Variants in CCDC40 observed in about 807,000 individuals in gnomAD.
The protein encoded by CCDC40 is coiled-coil domain 40 molecular ruler complex subunit.
CCDC40 carries 104 observed loss-of-function variants against 124.5 expected under a neutral mutation model. The observed-to-expected ratio is 0.84, with a 90% CI of 0.71 to 0.98. The LOEUF (loss-of-function observed/expected upper bound fraction) is 0.98, where lower values mean the gene tolerates loss of function less well. Among genes scored for constraint, CCDC40 ranks in the 50% least tolerant of loss-of-function variants. The probability of loss-of-function intolerance (pLI) is 0.00; values close to 1 mark genes in which losing one functional copy is unlikely to be tolerated. For synonymous variants in CCDC40, 580 were observed against 602.9 expected, an observed-to-expected ratio of 0.96 and a Z score of 0.56; for missense variants, 1,463 against 1,503.9, an observed-to-expected ratio of 0.97 and a Z score of 0.45.
Position 80,050,173 on chromosome 17 carries a change from A to T in CCDC40, c.1049A>T (p.Asp350Val). 1 of 1,613,344 alleles carries T rather than the reference A, an allele frequency of 6.2e-7. No homozygotes were observed. Among genetic ancestry groups the T allele is most frequent in the South Asian group, 1.1e-5 (1 of 91,064 alleles). ...CAGAAGCTGCTGGAGAAGAGTCACGACCGCCACGCAATGGCCTCGAGCGAG... is the reference window on the plus strand; with the variant it reads ...CAGAAGCTGCTGGAGAAGAGTCACGTCCGCCACGCAATGGCCTCGAGCGAG... ...HLQKLLEKSH[D>V]RHAMASSERR... is the part of the protein sequence containing the mutation. Residue 350 changes from aspartate (D) to valine (V), a missense_variant, in exon 7 of 20, where the codon GAC (aspartate) becomes GTC (valine). Coordinates refer to ENST00000397545, the MANE Select transcript of CCDC40 (RefSeq NM_017950.4).
At chr17:80,047,000 C>T (rs932098672) in intron 3 of CCDC40, among the ~76,000 whole-genome samples, 3 of 152,124 alleles carry the variant, frequency 2.0e-5, no homozygotes, top group Non-Finnish European at 2.9e-5. Context: ...TGCCCGCCAC[C>T]GCACCCAGCT....
chr17:80,096,117 C>T (rs2038805970), intron 18 of CCDC40, among the ~76,000 whole-genome samples: 1 of 152,230 alleles, frequency 6.6e-6, no homozygotes, highest in African/African-American at 2.4e-5. Flanking sequence ...GCCAGACCTG[C>T]AGGGCCTCGT....
chr17:80,048,415 T>G (rs900407438), intron 4 of CCDC40, 168 bp from the exon 5 acceptor site: 1 of 676,548 alleles, frequency 1.5e-6, no homozygotes, highest in Non-Finnish European at 2.7e-6. Context: ...GAATAGAAGA[T>G]GGGGTGAATG....
chr17:80,037,686 AAAAGATATACATATAT>A (rs1318381453), intron 1 of CCDC40, among the ~76,000 whole-genome samples: 3 of 26,304 alleles, frequency 1.1e-4, no homozygotes, highest in East Asian at 3.4e-3. Flanking sequence ...AATTTTTTAA[AAAAGATATACATATAT>A]ATATATATAT....
Position 80,086,234 on chromosome 17 carries a change from C to G in CCDC40, c.2449+18C>G. On this transcript the variant is annotated intron_variant, in intron 14 of 19. Coordinates refer to ENST00000397545, the MANE Select transcript of CCDC40 (RefSeq NM_017950.4). This position sits in a 1 kb window ranked among gnomAD's most constrained non-coding sequence, Gnocchi z 5.5. ...AGTAGAAAGTAAGAGCCGCCGTGCCCGGCCCTGCAGTGATGCTGAGACGAG... is the reference window on the plus strand; with the variant it reads ...AGTAGAAAGTAAGAGCCGCCGTGCCGGGCCCTGCAGTGATGCTGAGACGAG... 6.4e-7 allele frequency: 1 copy of G among 1,568,794 alleles called. No individual in the cohort carries two copies. Among genetic ancestry groups the G allele is most frequent in the Non-Finnish European group, 8.6e-7 (1 of 1,156,664 alleles).
At chr17:80,075,927 G>C (rs1236768318) in intron 10 of CCDC40, among the ~76,000 whole-genome samples, 2 of 152,174 alleles carry the variant, frequency 1.3e-5, no homozygotes, top group Admixed American at 1.3e-4. Context: ...GTGGAAACAA[G>C]AACTAGAATG....
At chr17:80,047,092 C>T (rs907139019) in intron 3 of CCDC40, among the ~76,000 whole-genome samples, 187 bp from the exon 4 acceptor site, 1 of 152,208 alleles carries the variant, frequency 6.6e-6, no homozygotes, top group African/African-American at 2.4e-5. Context: ...GCGATCCACC[C>T]GCCTTGGCCT....
intron 10 of CCDC40, chr17:80,067,967 C>T (rs901067522): frequency 1.5e-5 from 17 of 1,111,502 alleles, no homozygotes; most frequent in Non-Finnish European, 1.8e-5. Flanking sequence ...GTGAGAGAGC[C>T]TCTGACTTCA....
At chr17:80,093,531 TTGAAACAGTCTCGCTC>T (rs2038756036) in intron 17 of CCDC40, among the ~76,000 whole-genome samples, 1 of 151,118 alleles carries the variant, frequency 6.6e-6, no homozygotes, top group Non-Finnish European at 1.5e-5. Flanking sequence ...TTTTTTTTTT[TTGAAACAGTCTCGCTC>T]TGTTGCCCAG....
intron 12 of CCDC40, among the ~76,000 whole-genome samples, chr17:80,084,356 C>T (rs1055475146): frequency 6.6e-5 from 10 of 152,090 alleles, no homozygotes; most frequent in Admixed American, 2.6e-4. Context: ...CATCAGATCT[C>T]ATGAGAACTC....
Position 80,082,065 on chromosome 17 carries a change from C to T in CCDC40, c.1989+7C>T. 2 of 1,612,324 alleles carry T rather than the reference C, an allele frequency of 1.2e-6. No individual in the cohort carries two copies. The highest frequency in any genetic ancestry group is 1.7e-6 in the Non-Finnish European group (2 of 1,179,478). ...GAAGGAGAAGACCAACATGGTAGGC[C>T]CCTGCCCCAGGGAGGGGCTGTGCGA... is the stretch of plus-strand genomic sequence containing the variant. On this transcript the variant is annotated splice_region_variant and intron_variant, in intron 12 of 19. Transcript: ENST00000397545.
intron 7 of CCDC40, among the ~76,000 whole-genome samples, chr17:80,051,883 G>A (rs1433582036): frequency 1.3e-5 from 2 of 152,246 alleles, no homozygotes; most frequent in African/African-American, 2.4e-5. Context: ...GGCTTAAAGA[G>A]TGGGTGGGAT....
rs774820112 is a variant in CCDC40 at position 80,090,393 on chromosome 17, T to C, written c.2832+509T>C. The C allele has an allele frequency of 2.1e-4, 164 of 797,350 alleles. 10 individuals carry two copies. The highest frequency in any genetic ancestry group is 3.7e-4 in the East Asian group (9 of 24,254). 49.4% of individuals were successfully genotyped at this position (797,350 alleles called of 1,614,324 possible). ...ACGAACACAGGACACACACAGCACG[T>C]GCATGAACAACACAGGACACACACA... On this transcript the variant is annotated intron_variant, in intron 17 of 19. Coordinates refer to ENST00000397545, the MANE Select transcript of CCDC40 (RefSeq NM_017950.4).
chr17:80,087,741 C>T lies in CCDC40; in HGVS notation c.2584C>T (p.Arg862Trp), dbSNP rs201858385. 305 of 1,613,938 alleles carry T rather than the reference C, an allele frequency of 1.9e-4. No individual in the cohort carries two copies. Among genetic ancestry groups the T allele is most frequent in the Non-Finnish European group, 2.3e-4 (277 of 1,179,958 alleles). Residue 862 changes from arginine (R) to tryptophan (W), a missense_variant, in exon 15 of 20, where the codon CGG becomes TGG. Physicochemically the swap from Arg to Trp is moderately radical, Grantham distance 101. Transcript: ENST00000397545. The surrounding 1 kb of genome is among the most constrained non-coding windows in gnomAD (Gnocchi z 4.5). ...CTCGGAGGAGCTGGAGCAGAACAAC[C>T]GGGTGACAGAGAATGAGTTCGTGCG... Reference protein sequence around the residue: ...CSSEELEQNNRVTENEFVRSL... With the variant: ...CSSEELEQNNWVTENEFVRSL...
intron 19 of CCDC40, among the ~76,000 whole-genome samples, chr17:80,099,277 C>A (rs1348083502): frequency 5.3e-5 from 8 of 151,348 alleles, no homozygotes; most frequent in African/African-American, 1.9e-4. Context: ...GGCGACAGAG[C>A]AAGACTCCAT....
At chr17:80,046,497 C>A (rs1450731123) in intron 3 of CCDC40, among the ~76,000 whole-genome samples, 1 of 151,318 alleles carries the variant, frequency 6.6e-6, no homozygotes, top group Non-Finnish European at 1.5e-5. Flanking sequence ...TGCAGCACTG[C>A]ACGCCAGTCT....
At chr17:80,067,573 A>G in intron 10 of CCDC40, 1 of 1,535,968 alleles carries the variant, frequency 6.5e-7, no homozygotes, top group Non-Finnish European at 8.7e-7. Flanking sequence ...ACCACATGGC[A>G]TTCCGCTGGG....
Position 80,050,056 on chromosome 17 carries a change from T to C in CCDC40, c.940-8T>C. Reference sequence around the variant, plus strand: ...GTCCTGGTGACCCTGTTTCTCTCTTTGGTCCAGGTTGTGGCTACCAAGCAG... The same window carrying C: ...GTCCTGGTGACCCTGTTTCTCTCTTCGGTCCAGGTTGTGGCTACCAAGCAG... On this transcript the variant is annotated splice_polypyrimidine_tract_variant and splice_region_variant and intron_variant, in intron 6 of 19. Transcript: ENST00000397545. 3 of 1,614,012 alleles carry C rather than the reference T, an allele frequency of 1.9e-6. No individual in the cohort carries two copies. The highest frequency in any genetic ancestry group is 2.5e-6 in the Non-Finnish European group (3 of 1,179,990).
At chr17:80,080,783 T>C (rs1161167151) in intron 10 of CCDC40, among the ~76,000 whole-genome samples, 18 of 152,184 alleles carry the variant, frequency 1.2e-4, no homozygotes, top group Admixed American at 1.2e-3. Context: ...TATTTGAAAA[T>C]AATAGTCAAG....
Sources: allele counts gnomAD v4.1 joint callset (sites outside exome capture counted in the v4.1 genomes callset), GRCh38; gene constraint gnomAD v4.1.1; non-coding constraint Gnocchi (gnomAD v3.1); transcripts MANE v1.5; gene names NCBI Gene and HGNC (gene_info 2026-07-23, HGNC 2026-07-21).